Variants in MRPL48 observed in about 807,000 individuals in gnomAD.
MRPL48 encodes large ribosomal subunit protein mL48.
Under a neutral mutation model 32.9 loss-of-function variants are expected in MRPL48, and 16 were observed. That is an observed-to-expected ratio of 0.49 (90% CI 0.33 to 0.74). The LOEUF is 0.74. MRPL48 is among the 30% of genes least tolerant of loss of function. The probability of loss-of-function intolerance (pLI) is 0.02; values close to 1 mark genes in which losing one functional copy is unlikely to be tolerated. For missense variants in MRPL48, 206 were observed against 245.3 expected (o/e 0.84, Z 1.07); for synonymous variants, 94 against 89.2 (o/e 1.05, Z -0.31).
intron 4 of MRPL48, 60 bp from the exon 5 acceptor site, chr11:73,844,747 G>A (rs1314194434): frequency 9.9e-6 from 15 of 1,512,442 alleles, no homozygotes; most frequent in Non-Finnish European, 1.2e-5. Flanking sequence ...TATCAAGATA[G>A]TATTATTAGA....
chr11:73,809,034 A>AC (rs1295133196), intron 3 of MRPL48, among the ~76,000 whole-genome samples: 2 of 151,746 alleles, frequency 1.3e-5, no homozygotes, highest in African/African-American at 4.8e-5. Flanking sequence ...GATCCTACCT[A>AC]CCCCAGAGGC....
intron 3 of MRPL48, among the ~76,000 whole-genome samples, chr11:73,814,888 C>T (rs1361642052): frequency 2.1e-5 from 3 of 143,692 alleles, no homozygotes; most frequent in Non-Finnish European, 4.6e-5. Flanking sequence ...CCAGCTACTC[C>T]GGCAGCTGAA....
At chr11:73,789,834 T>C (rs1349844764) in intron 1 of MRPL48, among the ~76,000 whole-genome samples, 2 of 152,224 alleles carry the variant, frequency 1.3e-5, no homozygotes, top group African/African-American at 4.8e-5. Flanking sequence ...GGAAGCCTCA[T>C]GTCTGGTATA....
intron 5 of MRPL48, among the ~76,000 whole-genome samples, chr11:73,853,321 A>G (rs951816688): frequency 6.6e-6 from 1 of 152,178 alleles, no homozygotes; most frequent in African/African-American, 2.4e-5. Flanking sequence ...ATTCTTATGC[A>G]TTGTATGCCT....
At chr11:73,805,738 A>G (rs1179631994) in intron 2 of MRPL48, among the ~76,000 whole-genome samples, 1 of 147,838 alleles carries the variant, frequency 6.8e-6, no homozygotes, top group Non-Finnish European at 1.5e-5. Flanking sequence ...AGCTCACTGT[A>G]GCCTTGACCT....
chr11:73,794,779 C>G (rs550889909), intron 1 of MRPL48, among the ~76,000 whole-genome samples: 5 of 146,478 alleles, frequency 3.4e-5, no homozygotes, highest in African/African-American at 1.0e-4. Context: ...GAGTCTTGCT[C>G]TGTTGCCCAG....
rs902482831 is a variant in MRPL48 at position 73,832,761 on chromosome 11, T to C, written c.201+6965T>C. On this transcript the variant is annotated intron_variant, in intron 4 of 7. Transcript: ENST00000310614. ...AAACTGTAGGGCTAGACATGTATTA[T>C]AGGACTGGCTTAGGGAGAGTTACTT... The C allele has an allele frequency of 4.6e-5, 7 of 152,228 alleles. No individual in the cohort carries two copies. The East Asian group carries it at 5.8e-4, about 13-fold the overall frequency. 9.4% of individuals were successfully genotyped at this position (152,228 alleles called of 1,614,324 possible). A position where few individuals can be genotyped will look rare whatever the true frequency, so the allele number is the denominator to read the frequency against.
intron 3 of MRPL48, among the ~76,000 whole-genome samples, chr11:73,810,308 G>C (rs895454639): frequency 2.6e-5 from 4 of 152,160 alleles, no homozygotes; most frequent in African/African-American, 7.2e-5. Flanking sequence ...GATCACCTTA[G>C]GTCAGGAGTT....
intron 3 of MRPL48, among the ~76,000 whole-genome samples, chr11:73,815,812 C>G (rs1315916447): frequency 6.6e-6 from 1 of 151,970 alleles, no homozygotes; most frequent in African/African-American, 2.4e-5. Flanking sequence ...CAGCCTCAAC[C>G]TCCCAAGCTC....
At position 73,854,565 on chromosome 11, in the gene MRPL48, G is replaced by A. The variant is rs780201967; in HGVS notation, c.372-5342G>A. On this transcript the variant is annotated intron_variant, in intron 5 of 7. Transcript: ENST00000310614. ...GCCTCCCAAAGTGCTAGGATTACAG[G>A]TATGAGCCACCGTGCCTGGCCTAGT... Among the ~76,000 whole-genome samples, 72 of 152,190 alleles carry A rather than the reference G, an allele frequency of 4.7e-4. 1 individual carries two copies. The highest frequency in any genetic ancestry group is 9.2e-4 in the Admixed American group (14 of 15,272).
chr11:73,817,317 T>A (rs573699178), intron 3 of MRPL48, among the ~76,000 whole-genome samples: 13 of 152,314 alleles, frequency 8.5e-5, no homozygotes, highest in Admixed American at 3.9e-4. Context: ...TGATGAACAT[T>A]CTTGGGCAAT....
Position 73,825,757 on chromosome 11 carries a change from C to T in MRPL48, c.162C>T (p.His54=), listed in dbSNP as rs371427099. The change falls in exon 4 of 8, where the codon CAC becomes CAT. Residue 54 remains histidine (H), a synonymous_variant. Transcript: ENST00000310614. ...ISRPYKTKPT[H]GIGKYKHLIK... Reference sequence around the variant, plus strand: ...GGCCCTACAAGACAAAGCCCACCCACGGCATTGGAAAGTACAAGCACTTAA... The same window carrying T: ...GGCCCTACAAGACAAAGCCCACCCATGGCATTGGAAAGTACAAGCACTTAA... 2.2e-4 allele frequency: 350 copies of T among 1,569,596 alleles called. No homozygotes were observed. The highest frequency in any genetic ancestry group is 2.9e-4 in the Non-Finnish European group (332 of 1,157,364).
intron 3 of MRPL48, among the ~76,000 whole-genome samples, chr11:73,808,552 G>A (rs141187618): frequency 1.3e-5 from 2 of 152,290 alleles, no homozygotes; most frequent in African/African-American, 4.8e-5. Flanking sequence ...CAGTAAGTTT[G>A]GATTCCAACT....
chr11:73,793,858 G>GTTTTTTT (rs1293232778), intron 1 of MRPL48, among the ~76,000 whole-genome samples: 1 of 113,882 alleles, frequency 8.8e-6, no homozygotes, highest in Non-Finnish European at 1.9e-5. Flanking sequence ...CTTGTTTCGT[G>GTTTTTTT]TTTTTTTTTT....
intron 5 of MRPL48, chr11:73,850,962 C>T: frequency 3.2e-6 from 1 of 317,368 alleles, no homozygotes; most frequent in East Asian, 8.6e-5. Flanking sequence ...AGGCGTGAGC[C>T]ACCGCGCCCG....
At chr11:73,835,924 T>C (rs1266458529) in intron 4 of MRPL48, among the ~76,000 whole-genome samples, 2 of 151,680 alleles carry the variant, frequency 1.3e-5, no homozygotes, top group African/African-American at 4.8e-5. Flanking sequence ...TAAAATGCCA[T>C]TTATTTATTT....
intron 5 of MRPL48, among the ~76,000 whole-genome samples, chr11:73,855,996 C>A (rs2135080203): frequency 6.6e-6 from 1 of 152,284 alleles, no homozygotes; most frequent in East Asian, 1.9e-4. Context: ...AAGGCAAGGA[C>A]TATTTCTGTC....
chr11:73,807,084 A>T (rs1947467046), intron 2 of MRPL48, among the ~76,000 whole-genome samples: 1 of 152,068 alleles, frequency 6.6e-6, no homozygotes, highest in Middle Eastern at 3.4e-3. Flanking sequence ...TGACCTGGCT[A>T]GTTTCGAACT....
At chr11:73,788,033 G>A (rs1213528114) in intron 1 of MRPL48, 41 bp downstream of exon 1, 2 of 1,464,768 alleles carry the variant, frequency 1.4e-6, no homozygotes, top group Admixed American at 3.6e-5. Context: ...GGGAGATGGC[G>A]GACGGTGCAG....
Sources: allele counts gnomAD v4.1 joint callset (sites outside exome capture counted in the v4.1 genomes callset), GRCh38; gene constraint gnomAD v4.1.1; transcripts MANE v1.5; gene names NCBI Gene and HGNC (gene_info 2026-07-23, HGNC 2026-07-21).